KHDRBS2: variants seen among roughly 807,000 people sequenced by gnomAD.
KHDRBS2 encodes KH domain-containing, RNA-binding, signal transduction-associated protein 2.
A neutral mutation model predicts 44.3 loss-of-function variants in KHDRBS2; 26 were observed. The ratio of observed to expected loss-of-function variants is 0.59; its 90% confidence interval spans 0.43 to 0.81. The LOEUF (loss-of-function observed/expected upper bound fraction) is 0.81. KHDRBS2 is among the 40% of genes least tolerant of loss of function. The pLI, the probability that KHDRBS2 is intolerant of heterozygous loss-of-function variation, is 0.00. For missense variants in KHDRBS2, 476 were observed against 433.1 expected, an observed-to-expected ratio of 1.10 and a Z score of -0.88; for synonymous variants, 194 against 151.1, an observed-to-expected ratio of 1.28 and a Z score of -2.08.
the KHDRBS2 span, among the ~76,000 whole-genome samples, chr6:61,598,087 C>T: frequency 2.9e-3 from 435 of 150,808 alleles, 6 homozygotes; most frequent in Admixed American, 5.0e-3. Flanking sequence ...CCCACCTCCA[C>T]CCACCCCACT....
At chr6:61,852,447 C>T (rs1437798795) in intron 6 of KHDRBS2, among the ~76,000 whole-genome samples, 3 of 151,568 alleles carry the variant, frequency 2.0e-5, no homozygotes, top group Non-Finnish European at 2.9e-5. Flanking sequence ...GCCTATAGTC[C>T]CAGCTACTCA....
chr6:61,957,802 C>T (rs1004652592), intron 4 of KHDRBS2, among the ~76,000 whole-genome samples: 55 of 152,102 alleles, frequency 3.6e-4, no homozygotes, highest in Admixed American at 1.4e-3. Context: ...GTGACCAACA[C>T]CCTATTCATA....
At chr6:61,885,777 T>C (rs368252362) in intron 6 of KHDRBS2, among the ~76,000 whole-genome samples, 12 of 152,236 alleles carry the variant, frequency 7.9e-5, no homozygotes, top group East Asian at 5.8e-4. Flanking sequence ...GAGATGACCA[T>C]GTAAACACAT....
At chr6:61,828,445 A>G (rs764763489) in intron 6 of KHDRBS2, among the ~76,000 whole-genome samples, 43 of 152,250 alleles carry the variant, frequency 2.8e-4, no homozygotes, top group Admixed American at 1.3e-4. Context: ...GTGAAGGGTT[A>G]TAAGTGCCCT....
intron 6 of KHDRBS2, among the ~76,000 whole-genome samples, chr6:61,852,272 C>A (rs1040699099): frequency 2.1e-4 from 31 of 145,708 alleles, no homozygotes; most frequent in Admixed American, 3.4e-4. Flanking sequence ...AAAACATTGA[C>A]TTTATCATTT....
chr6:62,219,288 T>G (rs1830502648), intron 1 of KHDRBS2, among the ~76,000 whole-genome samples: 1 of 151,398 alleles, frequency 6.6e-6, no homozygotes, highest in Admixed American at 6.6e-5. Context: ...TTATAAGAGA[T>G]ACAGAAAGCA....
At position 62,256,135 on chromosome 6, in the gene KHDRBS2, C is replaced by T. The variant is rs142597946; in HGVS notation, c.91+29723G>A. 4.9e-3 allele frequency among the ~76,000 whole-genome samples: 654 copies of T among 134,444 alleles called. 8 individuals are homozygous for T. Among genetic ancestry groups the T allele is most frequent in the African/African-American group, 0.015 (613 of 40,658 alleles). The allele number at this position is 134,444 out of a possible 152,430, so 88.2% of individuals were successfully genotyped here. On this transcript the variant is annotated intron_variant, in intron 1 of 8. Transcript: ENST00000281156. ...AGGGGACAGAGTGAGACTCCAACTCCGAAAGAAAAAAAAACCCTCAAAACA... is the reference window on the plus strand; with the variant it reads ...AGGGGACAGAGTGAGACTCCAACTCTGAAAGAAAAAAAAACCCTCAAAACA...
intron 4 of KHDRBS2, among the ~76,000 whole-genome samples, chr6:61,910,602 T>A (rs922565726): frequency 3.9e-5 from 6 of 152,198 alleles, no homozygotes; most frequent in African/African-American, 1.4e-4. Context: ...TGCAGGAAGA[T>A]TGGAAAGGCT....
chr6:61,954,886 A>ATATGTATGTATACATATGCATGTG (rs1766050996), intron 4 of KHDRBS2, among the ~76,000 whole-genome samples: 5 of 132,632 alleles, frequency 3.8e-5, no homozygotes, highest in African/African-American at 1.7e-4. Flanking sequence ...GTATATATGT[A>ATATGTATGTATACATATGCATGTG]TATATACACA....
At chr6:61,657,131 T>A in the KHDRBS2 span, among the ~76,000 whole-genome samples, 7 of 151,930 alleles carry the variant, frequency 4.6e-5, no homozygotes, top group African/African-American at 1.7e-4. Flanking sequence ...AGCTCCATCC[T>A]CTGGATCTTA....
intron 6 of KHDRBS2, among the ~76,000 whole-genome samples, chr6:61,831,473 C>T (rs1791801858): frequency 6.6e-6 from 1 of 151,892 alleles, no homozygotes; most frequent in Non-Finnish European, 1.5e-5. Flanking sequence ...TTCATCTATA[C>T]CATGACTTAA....
intron 7 of KHDRBS2, among the ~76,000 whole-genome samples, chr6:61,703,803 T>C (rs1472449375): frequency 6.6e-6 from 1 of 151,906 alleles, no homozygotes; most frequent in Admixed American, 6.6e-5. Context: ...CACTGATAGA[T>C]TGAAGGAATG....
chr6:61,828,782 G>A (rs2127259760), intron 6 of KHDRBS2, among the ~76,000 whole-genome samples: 1 of 152,220 alleles, frequency 6.6e-6, no homozygotes, highest in South Asian at 2.1e-4. Flanking sequence ...ACCTTTGATG[G>A]CAGATACAAT....
At chr6:62,181,848 A>G (rs574269135) in intron 1 of KHDRBS2, among the ~76,000 whole-genome samples, 1 of 152,084 alleles carries the variant, frequency 6.6e-6, no homozygotes, top group Admixed American at 6.6e-5. Context: ...CACAACTTCC[A>G]CCATGGGAAC....
intron 2 of KHDRBS2, among the ~76,000 whole-genome samples, chr6:62,066,343 A>T (rs1354296720): frequency 6.6e-6 from 1 of 151,690 alleles, no homozygotes; most frequent in Non-Finnish European, 1.5e-5. Flanking sequence ...TTCCATTTTT[A>T]TCTAAATCTT....
intron 6 of KHDRBS2, among the ~76,000 whole-genome samples, chr6:61,820,781 C>T (rs894185390): frequency 6.6e-6 from 1 of 152,004 alleles, no homozygotes; most frequent in African/African-American, 2.4e-5. Flanking sequence ...CTTCTCCATG[C>T]ATGTGGGACA....
At chr6:61,770,218 A>G (rs1353536589) in intron 6 of KHDRBS2, among the ~76,000 whole-genome samples, 3 of 152,200 alleles carry the variant, frequency 2.0e-5, no homozygotes, top group Non-Finnish European at 4.4e-5. Flanking sequence ...AAGGTAGATA[A>G]AACCACAAAG....
the KHDRBS2 span, among the ~76,000 whole-genome samples, chr6:61,601,588 C>T: frequency 1.5e-4 from 23 of 152,188 alleles, no homozygotes; most frequent in African/African-American, 3.1e-4. Context: ...TTTTACACAT[C>T]GGTACCTCCC....
At position 62,071,287 on chromosome 6, in the gene KHDRBS2, G is replaced by A. The variant is rs529704406; in HGVS notation, c.220-23293C>T. On this transcript the variant is annotated intron_variant, in intron 2 of 8. Transcript: ENST00000281156. ...TGCAAAAATTTTCTCCCATTCTGTAGGTTGCCTGTTCACTCTGATGGTAGT... is the reference window on the plus strand; with the variant it reads ...TGCAAAAATTTTCTCCCATTCTGTAAGTTGCCTGTTCACTCTGATGGTAGT... Among the ~76,000 whole-genome samples, 1,095 of 152,194 alleles carry A rather than the reference G, an allele frequency of 7.2e-3. 11 individuals are homozygous for A. Among genetic ancestry groups the A allele is most frequent in the African/African-American group, 0.025 (1,027 of 41,532 alleles).
Sources: allele counts gnomAD v4.1 joint callset (sites outside exome capture counted in the v4.1 genomes callset), GRCh38; gene constraint gnomAD v4.1.1; transcripts MANE v1.5; gene names NCBI Gene and HGNC (gene_info 2026-07-23, HGNC 2026-07-21).